Variants in CPA6 observed in about 807,000 individuals in gnomAD.
The protein encoded by CPA6 is carboxypeptidase B.
Under a neutral mutation model 63.3 loss-of-function variants are expected in CPA6, and 58 were observed. The ratio of observed to expected loss-of-function variants is 0.92; its 90% confidence interval spans 0.74 to 1.14. The LOEUF (loss-of-function observed/expected upper bound fraction) is 1.14. Ranked by LOEUF, CPA6 falls within the 50% of genes most tolerant of loss-of-function variation. CPA6 has a pLI of 0.00. For missense variants in CPA6, 565 were observed against 526.6 expected, an observed-to-expected ratio of 1.07 and a Z score of -0.71; for synonymous variants, 185 against 179.0, an observed-to-expected ratio of 1.03 and a Z score of -0.27.
intron 2 of CPA6, among the ~76,000 whole-genome samples, chr8:67,612,745 C>T (rs1467688272): frequency 6.6e-6 from 1 of 152,168 alleles, no homozygotes; most frequent in Non-Finnish European, 1.5e-5. Flanking sequence ...GTGGTTATGG[C>T]TGATGAATAT....
chr8:67,695,138 G>A (rs2128997848), intron 1 of CPA6, among the ~76,000 whole-genome samples: 1 of 152,198 alleles, frequency 6.6e-6, no homozygotes, highest in East Asian at 1.9e-4. Flanking sequence ...TTCATTAGAT[G>A]CCATCATCCA....
At chr8:67,562,672 A>G (rs771101739) in intron 2 of CPA6, among the ~76,000 whole-genome samples, 4 of 152,164 alleles carry the variant, frequency 2.6e-5, no homozygotes, top group Non-Finnish European at 5.9e-5. Flanking sequence ...GAATTGGATT[A>G]GTGCTCTTGT....
chr8:67,577,047 G>T (rs1813645481), intron 2 of CPA6, among the ~76,000 whole-genome samples: 1 of 151,996 alleles, frequency 6.6e-6, no homozygotes, highest in Admixed American at 6.6e-5. Context: ...TAGAGACTGG[G>T]TTTCACCATG....
At chr8:67,707,292 G>GAA (rs1354190537) in intron 1 of CPA6, among the ~76,000 whole-genome samples, 1 of 152,182 alleles carries the variant, frequency 6.6e-6, no homozygotes, top group African/African-American at 2.4e-5. Flanking sequence ...CGCATGGACT[G>GAA]AACTAAGAGA....
At chr8:67,548,643 T>C (rs1812875861) in intron 2 of CPA6, among the ~76,000 whole-genome samples, 1 of 152,162 alleles carries the variant, frequency 6.6e-6, no homozygotes, top group South Asian at 2.1e-4. Flanking sequence ...ATCCAGAATA[T>C]GAGTTTTTAA....
intron 2 of CPA6, among the ~76,000 whole-genome samples, chr8:67,579,829 G>C (rs1176713443): frequency 6.6e-6 from 1 of 152,200 alleles, no homozygotes; most frequent in African/African-American, 2.4e-5. Context: ...TTCCACATTG[G>C]CTATGGCTGC....
At chr8:67,714,673 G>A (rs1817341388) in intron 1 of CPA6, among the ~76,000 whole-genome samples, 1 of 152,114 alleles carries the variant, frequency 6.6e-6, no homozygotes, top group Admixed American at 6.5e-5. Flanking sequence ...AGTAAAGTGA[G>A]TAAATAGATA....
chr8:67,437,800 G>A (rs1810195703), intron 8 of CPA6, among the ~76,000 whole-genome samples: 1 of 151,940 alleles, frequency 6.6e-6, no homozygotes, highest in Non-Finnish European at 1.5e-5. Flanking sequence ...AAAAATGAAA[G>A]GGCATGAAAA....
intron 8 of CPA6, among the ~76,000 whole-genome samples, chr8:67,436,185 T>C (rs1338659803): frequency 6.6e-6 from 1 of 152,152 alleles, no homozygotes; most frequent in African/African-American, 2.4e-5. Flanking sequence ...AGTCCCCACC[T>C]GCCCAGGCCT....
rs1813213226 is a variant in CPA6 at position 67,561,550 on chromosome 8, T to C, written c.193-43503A>G. On this transcript the variant is annotated intron_variant, in intron 2 of 10. Coordinates refer to ENST00000297770, the MANE Select transcript of CPA6 (RefSeq NM_020361.5). ...AGAGCTGGCATGAAATCTTCAAAAG[T>C]ATCAAGGTCATGAAAGTCAAGGAAA... Among the ~76,000 whole-genome samples the C allele has an allele frequency of 3.3e-5, 5 of 152,118 alleles. No individual in the cohort carries two copies. The South Asian group carries it at 1.0e-3, about 31-fold the overall frequency.
chr8:67,563,758 T>TAAATCTGC (rs1813270994), intron 2 of CPA6, among the ~76,000 whole-genome samples: 1 of 152,234 alleles, frequency 6.6e-6, no homozygotes, highest in South Asian at 2.1e-4. Flanking sequence ...GCTTTCTCTT[T>TAAATCTGC]AAATCTGCAA....
At position 67,518,095 on chromosome 8, in the gene CPA6, A is replaced by T. The variant is rs566547108; in HGVS notation, c.193-48T>A. 4.7e-6 allele frequency: 7 copies of T among 1,480,330 alleles called. No individual in the cohort carries two copies. The East Asian group carries it at 1.7e-4, about 35-fold the overall frequency. 91.7% of individuals were successfully genotyped at this position (1,480,330 alleles called of 1,614,324 possible). On this transcript the variant is annotated intron_variant, in intron 2 of 10. Coordinates refer to ENST00000297770, the MANE Select transcript of CPA6 (RefSeq NM_020361.5). ...TAATTCATATCCAACGTAGGGGGGG[A>T]AAATCTGTGTCACAATGTCAAACAC... is the stretch of plus-strand genomic sequence containing the variant.
intron 6 of CPA6, among the ~76,000 whole-genome samples, chr8:67,488,867 T>G (rs1811544405): frequency 6.6e-6 from 1 of 152,198 alleles, no homozygotes; most frequent in Non-Finnish European, 1.5e-5. Flanking sequence ...CTGTTATTGG[T>G]GTAAGAATGC....
In CPA6 at chr8:67,624,065, T is replaced by G. The variant is rs544743936; in HGVS notation, c.192+111A>C. Reference sequence around the variant, plus strand: ...TAAAAGCTCTTTCAAGTTATCTCCTTAGCCTTTACTTTCTTGGCTAATAAA... The same window carrying G: ...TAAAAGCTCTTTCAAGTTATCTCCTGAGCCTTTACTTTCTTGGCTAATAAA... On this transcript the variant is annotated intron_variant, in intron 2 of 10. Transcript: ENST00000297770. The G allele has an allele frequency of 8.3e-5, 55 of 663,514 alleles. No homozygotes were observed. In the African/African-American group the frequency reaches 1.0e-3, roughly 12 times the overall value. 41.1% of individuals were successfully genotyped at this position (663,514 alleles called of 1,614,324 possible). A position where few individuals can be genotyped will look rare whatever the true frequency, so the allele number is the denominator to read the frequency against.
chr8:67,486,084 T>A (rs111468320), intron 6 of CPA6, among the ~76,000 whole-genome samples: 1 of 152,262 alleles, frequency 6.6e-6, no homozygotes, highest in African/African-American at 2.4e-5. Flanking sequence ...TAATGTTTGT[T>A]GAATTTTAGC....
At chr8:67,488,517 G>T (rs1467536315) in intron 6 of CPA6, among the ~76,000 whole-genome samples, 1 of 152,180 alleles carries the variant, frequency 6.6e-6, no homozygotes, top group African/African-American at 2.4e-5. Flanking sequence ...TTTGGCTTAG[G>T]ATTGTCTTGG....
At chr8:67,461,127 C>G (rs1008339727) in intron 8 of CPA6, among the ~76,000 whole-genome samples, 1 of 142,180 alleles carries the variant, frequency 7.0e-6, no homozygotes, top group African/African-American at 2.7e-5. Flanking sequence ...TTGGCAGGGT[C>G]GTAGGACAAT....
chr8:67,643,636 G>A (rs1815644785), intron 1 of CPA6, among the ~76,000 whole-genome samples: 1 of 152,028 alleles, frequency 6.6e-6, no homozygotes, highest in Non-Finnish European at 1.5e-5. Flanking sequence ...TGATTAAGAA[G>A]GAAGTACACA....
rs148822502 is a variant in CPA6, at chr8:67,645,105, A to C, written c.117-20854T>G. Among the ~76,000 whole-genome samples, 723 of 152,304 alleles carry C rather than the reference A, an allele frequency of 4.7e-3. 2 individuals carry two copies. The highest frequency in any genetic ancestry group is 6.4e-3 in the Non-Finnish European group (435 of 68,030). On this transcript the variant is annotated intron_variant, in intron 1 of 10. Coordinates refer to ENST00000297770, the MANE Select transcript of CPA6 (RefSeq NM_020361.5). The stretch of plus-strand genomic sequence containing the variant: ...GTGAAAAATTCTCAGGGGTATCAAA[A>C]AAAGCAATAATTAAATGAGGCACCG...
Sources: allele counts gnomAD v4.1 joint callset (sites outside exome capture counted in the v4.1 genomes callset), GRCh38; gene constraint gnomAD v4.1.1; transcripts MANE v1.5; gene names NCBI Gene and HGNC (gene_info 2026-07-23, HGNC 2026-07-21).